The following IRAK4 variants were observed in gnomAD, a reference collection of about 807,000 sequenced individuals.
IRAK4 encodes the protein interleukin-1 receptor-associated kinase 4.
Under a neutral mutation model 51.8 loss-of-function variants are expected in IRAK4, and 44 were observed. That is an observed-to-expected ratio of 0.85 (90% confidence interval 0.67 to 1.09). The LOEUF is 1.09. IRAK4 is among the 50% of genes least tolerant of loss of function. The pLI is 0.00. For synonymous variants in IRAK4, 149 were observed against 174.1 expected (o/e 0.86, Z 1.13); for missense variants, 487 against 538.0 (o/e 0.91, Z 0.94).
chr12:43,763,559 T>C (rs1166534768), intron 1 of IRAK4: 2 of 152,194 alleles, frequency 1.3e-5, no homozygotes, highest in Admixed American at 6.5e-5. Context: ...TTTATTATGG[T>C]AAATATTGGT....
chr12:43,781,064 A>G (rs1357071432), intron 8 of IRAK4, among the ~76,000 whole-genome samples: 1 of 152,088 alleles, frequency 6.6e-6, no homozygotes, highest in East Asian at 1.9e-4. Flanking sequence ...GCTCTTCCCA[A>G]CCTAAAGTCT....
chr12:43,778,133 AT>A, intron 7 of IRAK4, 59 bp from the exon 8 acceptor site: 1 of 984,332 alleles, frequency 1.0e-6, no homozygotes, highest in Non-Finnish European at 1.6e-6. Context: ...TGTGTTATAT[AT>A]TCTCTGTAGA....
At position 43,772,987 on chromosome 12, in the gene IRAK4, G is replaced by T; in HGVS notation, c.566G>T (p.Gly189Val). ...NFDERPISVG[G>V]NKMGEGGFGV... ...GATGAACGACCCATTTCTGTTGGTG[G>T]TAATAAAATGGGAGAGGGAGGATTT... Residue 189 changes from glycine (G) to valine (V), a missense_variant, in exon 5 of 12, where the codon GGT (glycine) becomes GTT (valine). Physicochemically the swap from Gly to Val is moderately radical, Grantham distance 109. Transcript: ENST00000613694. 1 of 1,612,084 alleles carries T rather than the reference G, an allele frequency of 6.2e-7. No homozygotes were observed. Among genetic ancestry groups the T allele is most frequent in the Non-Finnish European group, 8.5e-7 (1 of 1,178,676 alleles).
intron 10 of IRAK4, among the ~76,000 whole-genome samples, chr12:43,784,249 A>G (rs754051519): frequency 6.6e-6 from 1 of 152,214 alleles, no homozygotes; most frequent in Non-Finnish European, 1.5e-5. Context: ...CCACAACAAC[A>G]ATCAACACAG....
At chr12:43,777,066 A>T (rs1324986122) in intron 6 of IRAK4, among the ~76,000 whole-genome samples, 2 of 152,144 alleles carry the variant, frequency 1.3e-5, no homozygotes, top group Non-Finnish European at 2.9e-5. Context: ...AAGTTCCAAA[A>T]ATCTGAATTA....
intron 1 of IRAK4, among the ~76,000 whole-genome samples, chr12:43,765,724 A>G (rs1940069524): frequency 6.6e-6 from 1 of 152,022 alleles, no homozygotes. Context: ...GAATACTTAC[A>G]TAATGAGCAT....
chr12:43,772,892 T>G lies in IRAK4; in HGVS notation c.491-20T>G, dbSNP rs747699456. 10 of 1,568,150 alleles carry G rather than the reference T, an allele frequency of 6.4e-6. No individual in the cohort carries two copies. Among genetic ancestry groups the G allele is most frequent in the Non-Finnish European group, 7.0e-6 (8 of 1,147,154 alleles). On this transcript the variant is annotated intron_variant, in intron 4 of 11. Transcript: ENST00000613694. ...AACGAATTTTTAAAATTTAAGCATGTTTTTCTTATTTTGACATAGGTTTTC... is the reference window on the plus strand; with the variant it reads ...AACGAATTTTTAAAATTTAAGCATGGTTTTCTTATTTTGACATAGGTTTTC...
chr12:43,765,739 T>C (rs1439562499), intron 1 of IRAK4, among the ~76,000 whole-genome samples: 1 of 152,028 alleles, frequency 6.6e-6, no homozygotes, highest in Non-Finnish European at 1.5e-5. Flanking sequence ...GAGCATTCTT[T>C]GCTGAAACCT....
chr12:43,761,260 G>C (rs950001473), intron 1 of IRAK4, among the ~76,000 whole-genome samples: 8 of 152,080 alleles, frequency 5.3e-5, no homozygotes, highest in Non-Finnish European at 7.4e-5. Context: ...TTTTAGAAAG[G>C]ATATAAATAC....
chr12:43,762,686 G>T (rs1939691844), intron 1 of IRAK4, among the ~76,000 whole-genome samples: 1 of 152,140 alleles, frequency 6.6e-6, no homozygotes, highest in Non-Finnish European at 1.5e-5. Flanking sequence ...TATAACAGAA[G>T]AATGACTAGG....
intron 1 of IRAK4, among the ~76,000 whole-genome samples, chr12:43,760,271 C>T (rs898349856): frequency 6.6e-6 from 1 of 152,244 alleles, no homozygotes; most frequent in Non-Finnish European, 1.5e-5. Context: ...GACTTCTGCA[C>T]TTGCTCTGCT....
At chr12:43,766,709 T>TA (rs1162299055) in intron 1 of IRAK4, among the ~76,000 whole-genome samples, 1 of 152,196 alleles carries the variant, frequency 6.6e-6, no homozygotes, top group Non-Finnish European at 1.5e-5. Flanking sequence ...ATCTCTCACT[T>TA]ACCACCTTTG....
At position 43,771,382 on chromosome 12, in the gene IRAK4, C is replaced by T. The variant is rs1424097648; in HGVS notation, c.307+17C>T. The stretch of plus-strand genomic sequence containing the variant: ...TGCTCCCAGGTAAACTGATTGTGAC[C>T]AGGGTGTCCACAATTAGGGTGGAAA... On this transcript the variant is annotated intron_variant, in intron 3 of 11. Coordinates refer to ENST00000613694, the MANE Select transcript of IRAK4 (RefSeq NM_016123.4). 6.2e-7 allele frequency: 1 copy of T among 1,613,580 alleles called. No homozygotes were observed. Among genetic ancestry groups the T allele is most frequent in the East Asian group, 2.2e-5 (1 of 44,866 alleles).
chr12:43,759,530 A>G (rs1007133868), intron 1 of IRAK4: 1 of 152,340 alleles, frequency 6.6e-6, no homozygotes, highest in Non-Finnish European at 1.5e-5. Flanking sequence ...ATGGGGGAAA[A>G]AAGTGTACCT....
At chr12:43,763,759 C>G (rs181193119) in intron 1 of IRAK4, among the ~76,000 whole-genome samples, 7 of 151,906 alleles carry the variant, frequency 4.6e-5, no homozygotes, top group Admixed American at 3.9e-4. Context: ...CCTTCATAAC[C>G]AGACTTCTTG....
intron 3 of IRAK4, 63 bp downstream of exon 3, chr12:43,771,428 A>G (rs1940750960): frequency 2.0e-6 from 3 of 1,534,786 alleles, no homozygotes; most frequent in East Asian, 4.5e-5. Flanking sequence ...AGAAATATAA[A>G]TGTTTCTTCT....
chr12:43,778,178 T>G lies in IRAK4; in HGVS notation c.832-15T>G, dbSNP rs1353651074. 2 of 1,453,582 alleles carry G rather than the reference T, an allele frequency of 1.4e-6. No individual in the cohort carries two copies. The highest frequency in any genetic ancestry group is 1.9e-6 in the Non-Finnish European group (2 of 1,033,846). The allele number at this position is 1,453,582 out of a possible 1,614,324, so 90.0% of individuals were successfully genotyped here. A position where few individuals can be genotyped will look rare whatever the true frequency, so the allele number is the denominator to read the frequency against. ...TATTCTTTCTCATTTTTAATTTGGTTTATTTCTTTATAAGGATGGTACTCC... is the reference window on the plus strand; with the variant it reads ...TATTCTTTCTCATTTTTAATTTGGTGTATTTCTTTATAAGGATGGTACTCC... On this transcript the variant is annotated splice_polypyrimidine_tract_variant and intron_variant, in intron 7 of 11. Coordinates refer to ENST00000613694, the MANE Select transcript of IRAK4 (RefSeq NM_016123.4).
chr12:43,763,669 A>G (rs976443669), intron 1 of IRAK4, among the ~76,000 whole-genome samples: 5 of 151,738 alleles, frequency 3.3e-5, no homozygotes, highest in African/African-American at 4.8e-5. Flanking sequence ...ACTCTCTTGC[A>G]TGCTCTCCTC....
At position 43,774,004 on chromosome 12, in the gene IRAK4, G is replaced by T. The variant is rs111935971; in HGVS notation, c.691G>T (p.Asp231Tyr). ...TACTGAAGAACTGAAACAGCAGTTT[G>T]ATCAAGAAATAAAAGTAATGGCAAA... is the stretch of plus-strand genomic sequence containing the variant. ...ITTEELKQQF[D>Y]QEIKVMAKCQ... Residue 231 changes from aspartate (D) to tyrosine (Y), a missense_variant, in exon 6 of 12, where the codon GAT becomes TAT. Coordinates refer to ENST00000613694, the MANE Select transcript of IRAK4 (RefSeq NM_016123.4). 1.2e-6 allele frequency: 2 copies of T among 1,610,602 alleles called. No individual in the cohort carries two copies. The highest frequency in any genetic ancestry group is 2.2e-5 in the East Asian group (1 of 44,832).
Sources: allele counts gnomAD v4.1 joint callset (sites outside exome capture counted in the v4.1 genomes callset), GRCh38; gene constraint gnomAD v4.1.1; transcripts MANE v1.5; gene names NCBI Gene and HGNC (gene_info 2026-07-23, HGNC 2026-07-21).